FAM81A: variants seen among roughly 807,000 people sequenced by gnomAD.
FAM81A encodes the protein protein FAM81A.
FAM81A carries 19 observed loss-of-function variants against 46.7 expected under a neutral mutation model. The observed-to-expected ratio is 0.41, with a 90% confidence interval of 0.28 to 0.60. The LOEUF is 0.60. Ranked by LOEUF, FAM81A falls within the 20% of genes least tolerant of loss-of-function variation. The pLI is 0.34. For missense variants in FAM81A, 377 were observed against 453.5 expected (o/e 0.83, Z 1.53); for synonymous variants, 183 against 152.9 (o/e 1.20, Z -1.45).
intron 5 of FAM81A, among the ~76,000 whole-genome samples, chr15:59,508,149 A>G (rs1187818567): frequency 6.6e-6 from 1 of 152,178 alleles, no homozygotes; most frequent in Non-Finnish European, 1.5e-5. Flanking sequence ...ATGAGTGAGA[A>G]TGGAATTACT....
intron 3 of FAM81A, among the ~76,000 whole-genome samples, chr15:59,474,090 T>A (rs1186105579): frequency 6.6e-6 from 1 of 152,188 alleles, no homozygotes; most frequent in Non-Finnish European, 1.5e-5. Context: ...CCCAGTTTCC[T>A]TTCCCTCAGT....
intron 4 of FAM81A, 61 bp from the exon 5 acceptor site, chr15:59,507,152 A>G: frequency 6.4e-7 from 1 of 1,552,720 alleles, no homozygotes; most frequent in Non-Finnish European, 8.7e-7. Context: ...GTGTATAAGG[A>G]AGCTTTTGCG....
chr15:59,434,858 T>C (rs1043158410), upstream of FAM81A, among the ~76,000 whole-genome samples: 3 of 152,234 alleles, frequency 2.0e-5, no homozygotes. Flanking sequence ...CACGTTGACC[T>C]ACACAAGCCC....
intron 4 of FAM81A, among the ~76,000 whole-genome samples, chr15:59,496,044 C>T (rs1321996660): frequency 1.3e-5 from 2 of 152,002 alleles, no homozygotes; most frequent in Non-Finnish European, 2.9e-5. Context: ...TCTATCTTTT[C>T]TTCAGTTGCT....
At chr15:59,502,463 A>G (rs1234633828) in intron 4 of FAM81A, among the ~76,000 whole-genome samples, 3 of 150,848 alleles carry the variant, frequency 2.0e-5, no homozygotes, top group African/African-American at 7.3e-5. Flanking sequence ...TTTTTAACAT[A>G]AAAAAACCAG....
intron 1 of FAM81A, chr15:59,445,396 C>A (rs1173832035): frequency 6.6e-6 from 1 of 152,124 alleles, no homozygotes; most frequent in African/African-American, 2.4e-5. Context: ...TATTCAGAAA[C>A]CCCTGGTGGC....
chr15:59,412,660 G>A (rs1249811986), intron 2 of FAM81A, among the ~76,000 whole-genome samples: 2 of 151,952 alleles, frequency 1.3e-5, no homozygotes, highest in Non-Finnish European at 1.5e-5. Context: ...CCAGGAGGTT[G>A]AGGCTGCAGT....
rs1202515366 is a variant in FAM81A, at chr15:59,521,992, G to A, written c.*614G>A. ...TAGTTTAAAAATTGCTAACTGCCATGTGGATTGCAAATTAAATGGAAACTT... is the reference window on the plus strand; with the variant it reads ...TAGTTTAAAAATTGCTAACTGCCATATGGATTGCAAATTAAATGGAAACTT... On this transcript the variant is annotated 3_prime_UTR_variant, in exon 9 of 9. Transcript: ENST00000288228. The A allele has an allele frequency of 6.6e-6, 1 of 152,564 alleles. No homozygotes were observed. Among genetic ancestry groups the A allele is most frequent in the Admixed American group, 6.5e-5 (1 of 15,280 alleles). The allele number at this position is 152,564 out of a possible 1,614,324, so 9.5% of individuals were successfully genotyped here. A position where few individuals can be genotyped will look rare whatever the true frequency, so the allele number is the denominator to read the frequency against.
chr15:59,494,555 G>C (rs2082014616), intron 4 of FAM81A, among the ~76,000 whole-genome samples: 1 of 152,128 alleles, frequency 6.6e-6, no homozygotes, highest in Non-Finnish European at 1.5e-5. Context: ...TACTCAACTT[G>C]TTGCTTCCCT....
At chr15:59,465,987 C>T (rs1283639324) in intron 3 of FAM81A, among the ~76,000 whole-genome samples, 1 of 152,164 alleles carries the variant, frequency 6.6e-6, no homozygotes, top group African/African-American at 2.4e-5. Context: ...AGAAAGTTTG[C>T]TGAGAATGAT....
intron 1 of FAM81A, among the ~76,000 whole-genome samples, chr15:59,442,618 C>CAAA (rs1196305104): frequency 3.5e-4 from 27 of 76,634 alleles, no homozygotes; most frequent in East Asian, 1.1e-3. Context: ...CTCCGTCTCT[C>CAAA]AAAAAAAAAA....
intron 3 of FAM81A, among the ~76,000 whole-genome samples, chr15:59,462,109 A>C (rs1489806348): frequency 2.0e-5 from 3 of 151,554 alleles, no homozygotes; most frequent in Admixed American, 2.0e-4. Context: ...AGGTTGAGGC[A>C]GGAGAATGGC....
intron 7 of FAM81A, among the ~76,000 whole-genome samples, chr15:59,514,867 C>T (rs565282570): frequency 6.6e-6 from 1 of 152,290 alleles, no homozygotes; most frequent in South Asian, 2.1e-4. Flanking sequence ...AAACAGAATC[C>T]ACCATTTTTT....
chr15:59,482,728 G>A (rs547550131), intron 3 of FAM81A, among the ~76,000 whole-genome samples: 3 of 152,220 alleles, frequency 2.0e-5, no homozygotes, highest in African/African-American at 7.2e-5. Context: ...CTTACTATAG[G>A]CAAAGGTTTG....
intron 3 of FAM81A, among the ~76,000 whole-genome samples, chr15:59,484,083 A>C (rs543164974): frequency 2.0e-4 from 30 of 152,314 alleles, no homozygotes; most frequent in African/African-American, 6.3e-4. Context: ...AAGGCACTCC[A>C]GTGAGTAGAG....
chr15:59,441,047 C>T (rs2081292182), intron 1 of FAM81A, among the ~76,000 whole-genome samples: 1 of 152,242 alleles, frequency 6.6e-6, no homozygotes, highest in South Asian at 2.1e-4. Flanking sequence ...TTCTCTTCCT[C>T]TCTTTGTCCT....
chr15:59,509,904 T>C (rs1216177166), intron 6 of FAM81A, among the ~76,000 whole-genome samples: 8 of 152,104 alleles, frequency 5.3e-5, no homozygotes, highest in Admixed American at 4.6e-4. Flanking sequence ...TTGTGATTTT[T>C]TGTGACAGCA....
intron 3 of FAM81A, among the ~76,000 whole-genome samples, chr15:59,490,782 G>A (rs1379210858): frequency 1.3e-5 from 2 of 152,228 alleles, no homozygotes; most frequent in Non-Finnish European, 2.9e-5. Context: ...GTTGCAGTGA[G>A]CCGATATCAT....
intron 1 of FAM81A, among the ~76,000 whole-genome samples, chr15:59,446,978 T>C (rs1282225575): frequency 6.6e-6 from 1 of 152,260 alleles, no homozygotes; most frequent in Non-Finnish European, 1.5e-5. Context: ...TTATTGTCAT[T>C]CACTGGTTCA....
Sources: gnomAD v4.1 joint callset for allele counts (sites outside exome capture counted in the v4.1 genomes callset) on GRCh38, gnomAD v4.1.1 for gene constraint, MANE v1.5 for transcripts, NCBI Gene and HGNC (gene_info 2026-07-23, HGNC 2026-07-21) for gene names.